TRMT9B: variants seen among roughly 807,000 people sequenced by gnomAD.
TRMT9B encodes probable tRNA methyltransferase 9B.
In TRMT9B, 16 loss-of-function variants were observed where a neutral mutation model predicts 11.5. The observed-to-expected ratio is 1.39, with a 90% CI of 0.94 to 2.11. TRMT9B has a LOEUF of 2.11. TRMT9B is among the 30% of genes most tolerant of loss of function. The pLI, the probability that TRMT9B is intolerant of heterozygous loss-of-function variation, is 0.00. For missense variants in TRMT9B, 941 were observed against 553.8 expected (o/e 1.70, Z -7.02); for synonymous variants, 274 against 192.4 (o/e 1.42, Z -3.51).
chr8:12,959,659 A>G (rs1197253847), intron 1 of TRMT9B, among the ~76,000 whole-genome samples: 1 of 151,122 alleles, frequency 6.6e-6, no homozygotes, highest in Admixed American at 6.6e-5. Context: ...AGCCGGGGCT[A>G]CAGGTTCACG....
At position 12,975,834 on chromosome 8, in the gene TRMT9B, A is replaced by G. The variant is rs528019605; in HGVS notation, c.-199-15000A>G. ...CAATTGATGATAATCCACCACCACC[A>G]TATTTGCCAGATATGGTGACAGACA... On this transcript the variant is annotated intron_variant, in intron 1 of 4. Transcript: ENST00000524591. Among the ~76,000 whole-genome samples the G allele has an allele frequency of 1.5e-4, 23 of 152,312 alleles. 1 individual carries two copies. In the South Asian group the frequency reaches 4.8e-3, roughly 32 times the overall value.
intron 1 of TRMT9B, among the ~76,000 whole-genome samples, chr8:12,979,390 CGA>C (rs1804991198): frequency 6.6e-6 from 1 of 151,946 alleles, no homozygotes; most frequent in Non-Finnish European, 1.5e-5. Context: ...AAGCCTGTGT[CGA>C]GTTAAGAATT....
At chr8:13,013,233 C>G (rs947551001) in intron 4 of TRMT9B, among the ~76,000 whole-genome samples, 5 of 152,062 alleles carry the variant, frequency 3.3e-5, no homozygotes, top group African/African-American at 1.2e-4. Context: ...ATTTTTTAGG[C>G]CAAAATAGTG....
At chr8:13,000,194 A>G (rs1283734902) in intron 2 of TRMT9B, among the ~76,000 whole-genome samples, 2 of 152,198 alleles carry the variant, frequency 1.3e-5, no homozygotes, top group African/African-American at 4.8e-5. Context: ...ACAGTGGGGT[A>G]ATCCTGATCT....
intron 1 of TRMT9B, chr8:12,952,269 G>A: frequency 2.5e-6 from 1 of 405,228 alleles, no homozygotes; most frequent in Non-Finnish European, 5.1e-6. Flanking sequence ...CCCTAGATCC[G>A]CTGCCTCGGC....
intron 1 of TRMT9B, among the ~76,000 whole-genome samples, chr8:12,956,170 C>G (rs1364825909): frequency 1.3e-5 from 2 of 152,150 alleles, no homozygotes; most frequent in Admixed American, 6.5e-5. Context: ...AGGTTTCTAG[C>G]CTCAAAGGTA....
At chr8:13,010,644 T>C (rs1453117139) in intron 3 of TRMT9B, 1 of 984,954 alleles carries the variant, frequency 1.0e-6, no homozygotes, top group African/African-American at 1.7e-5. Flanking sequence ...AAATGCTCTC[T>C]GAACAGGCCC....
rs186746347 is a variant in TRMT9B, at chr8:13,027,124, A to T, written c.*5080A>T. ...TGAGGACTATTCAGATATTTCATTC[A>T]CTCCATTTGTTTACTAAGCCCTGCT... is the stretch of plus-strand genomic sequence containing the variant. On this transcript the variant is annotated 3_prime_UTR_variant, in exon 5 of 5. Coordinates refer to ENST00000524591, the MANE Select transcript of TRMT9B (RefSeq NM_020844.3). 1.2e-5 allele frequency: 2 copies of T among 166,862 alleles called. No individual in the cohort carries two copies. Among genetic ancestry groups the T allele is most frequent in the Non-Finnish European group, 2.9e-5 (2 of 68,074 alleles). 10.3% of individuals were successfully genotyped at this position (166,862 alleles called of 1,614,324 possible).
intron 3 of TRMT9B, chr8:13,011,548 AT>A: frequency 1.1e-6 from 1 of 945,404 alleles, no homozygotes; most frequent in Non-Finnish European, 1.3e-6. Context: ...AAGTAATTAG[AT>A]TATATATCTG....
chr8:13,026,704 G>A lies in TRMT9B; in HGVS notation c.*4660G>A, dbSNP rs1056484645. ...TAAATTGCTTAAGGTTACACACATA[G>A]TAGGTATCACACATTTAGTTAGAGG... On this transcript the variant is annotated 3_prime_UTR_variant, in exon 5 of 5. Transcript: ENST00000524591. 3.6e-5 allele frequency: 6 copies of A among 167,122 alleles called. No individual in the cohort carries two copies. In the South Asian group the frequency reaches 8.3e-4, roughly 23 times the overall value. The allele number at this position is 167,122 out of a possible 1,614,324, so 10.4% of individuals were successfully genotyped here.
At chr8:12,996,780 C>T (rs73546492) in intron 2 of TRMT9B, among the ~76,000 whole-genome samples, 8 of 152,124 alleles carry the variant, frequency 5.3e-5, no homozygotes, top group East Asian at 1.9e-4. Context: ...ATAACCTGAG[C>T]GCCCTCATGT....
At chr8:12,987,477 G>A (rs1266874991) in intron 1 of TRMT9B, among the ~76,000 whole-genome samples, 1 of 152,130 alleles carries the variant, frequency 6.6e-6, no homozygotes, top group African/African-American at 2.4e-5. Flanking sequence ...GACTGTTTGA[G>A]CCCAGGAGTT....
At chr8:13,017,079 C>CTGT (rs1812852273) in intron 4 of TRMT9B, among the ~76,000 whole-genome samples, 1 of 66,768 alleles carries the variant, frequency 1.5e-5, no homozygotes, top group Non-Finnish European at 4.1e-5. Flanking sequence ...AACCAGGTCA[C>CTGT]ACCACTGCAC....
intron 1 of TRMT9B, among the ~76,000 whole-genome samples, chr8:12,973,315 C>T (rs948856719): frequency 2.6e-5 from 4 of 152,098 alleles, no homozygotes; most frequent in Admixed American, 6.5e-5. Context: ...TGCACAGCAT[C>T]GTGGGAGAAG....
chr8:12,980,255 C>G (rs1585184345), intron 1 of TRMT9B, among the ~76,000 whole-genome samples: 1 of 152,188 alleles, frequency 6.6e-6, no homozygotes, highest in Non-Finnish European at 1.5e-5. Flanking sequence ...GGCCCAGGCA[C>G]TCTTTGGCTT....
rs34057798 is a variant in TRMT9B, at chr8:13,021,162, C to T, written c.483C>T (p.Asn161=). 8,737 of 1,613,860 alleles carry T rather than the reference C, an allele frequency of 5.4e-3. 412 individuals carry two copies. In the African/African-American group the frequency reaches 0.1, roughly 19 times the overall value. The part of the protein sequence containing the change: ...FEKQDVLVPW[N]RALCSQLFSE... ...AGCAAGACGTGCTTGTTCCATGGAACAGGGCTCTGTGTTCCCAGCTCTTCT... is the reference window on the plus strand; with the variant it reads ...AGCAAGACGTGCTTGTTCCATGGAATAGGGCTCTGTGTTCCCAGCTCTTCT... The change falls in exon 5 of 5, where the codon AAC becomes AAT. Residue 161 remains asparagine, a synonymous_variant. Transcript: ENST00000524591.
At chr8:12,985,389 G>A (rs1284774396) in intron 1 of TRMT9B, among the ~76,000 whole-genome samples, 1 of 152,118 alleles carries the variant, frequency 6.6e-6, no homozygotes, top group African/African-American at 2.4e-5. Flanking sequence ...TCTGTGTAGA[G>A]GAGAAAATAT....
intron 1 of TRMT9B, among the ~76,000 whole-genome samples, chr8:12,987,232 G>C (rs1408859203): frequency 6.6e-6 from 1 of 152,132 alleles, no homozygotes; most frequent in Non-Finnish European, 1.5e-5. Context: ...CTGTAAAATG[G>C]GAGAACTAGT....
chr8:13,003,887 A>G (rs1809921527), intron 2 of TRMT9B, among the ~76,000 whole-genome samples: 1 of 150,668 alleles, frequency 6.6e-6, no homozygotes, highest in Non-Finnish European at 1.5e-5. Flanking sequence ...ATATCACTAA[A>G]GGAAGCACAG....
Sources: allele counts gnomAD v4.1 joint callset (sites outside exome capture counted in the v4.1 genomes callset), GRCh38; gene constraint gnomAD v4.1.1; transcripts MANE v1.5; gene names NCBI Gene and HGNC (gene_info 2026-07-23, HGNC 2026-07-21).